CRACD: variants seen among roughly 807,000 people sequenced by gnomAD.
CRACD encodes the protein capping protein inhibiting regulator of actin dynamics.
In CRACD, 56 loss-of-function variants were observed where a neutral mutation model predicts 106.8. The ratio of observed to expected loss-of-function variants is 0.52; its 90% CI spans 0.42 to 0.66. The LOEUF (loss-of-function observed/expected upper bound fraction) is 0.66, where lower values mean the gene tolerates loss of function less well. Among genes scored for constraint, CRACD ranks in the 30% least tolerant of loss-of-function variants. The probability of loss-of-function intolerance (pLI) is 0.00; values close to 1 mark genes in which losing one functional copy is unlikely to be tolerated. For synonymous variants in CRACD, 754 were observed against 670.8 expected (o/e 1.12, Z -1.92); for missense variants, 1,730 against 1,623.2 (o/e 1.07, Z -1.13).
rs542515983 is a variant in CRACD, at chr4:56,177,303, A to G, written c.-335-1981A>G. Among the ~76,000 whole-genome samples the G allele has an allele frequency of 8.5e-4, 129 of 152,292 alleles. 1 individual carries two copies. The highest frequency in any genetic ancestry group is 9.6e-4 in the Non-Finnish European group (65 of 68,012). ...TGTTGAATTTCATTGAATGCTTTTTAGGAGGCATCTATTGAAATCATCATA... is the reference window on the plus strand; with the variant it reads ...TGTTGAATTTCATTGAATGCTTTTTGGGAGGCATCTATTGAAATCATCATA... On this transcript the variant is annotated intron_variant, in intron 1 of 10. Coordinates refer to ENST00000682029, the MANE Select transcript of CRACD (RefSeq NM_001393381.1).
chr4:56,179,947 G>A (rs1314849939), intron 2 of CRACD, among the ~76,000 whole-genome samples: 1 of 151,866 alleles, frequency 6.6e-6, no homozygotes, highest in African/African-American at 2.4e-5. Context: ...AACTCAGGAG[G>A]CAGAAGTTGC....
At chr4:56,241,884 G>A (rs1232746555) in intron 2 of CRACD, among the ~76,000 whole-genome samples, 1 of 152,180 alleles carries the variant, frequency 6.6e-6, no homozygotes, top group African/African-American at 2.4e-5. Context: ...ATGGCCTCAC[G>A]TGAGCAAAAC....
chr4:56,116,183 T>C (rs1050347818), intron 1 of CRACD, among the ~76,000 whole-genome samples: 2 of 150,888 alleles, frequency 1.3e-5, no homozygotes, highest in African/African-American at 5.0e-5. Flanking sequence ...AATCCAGGTT[T>C]GTGAGTGACA....
At chr4:56,198,152 C>G (rs1737709902) in intron 2 of CRACD, among the ~76,000 whole-genome samples, 1 of 152,170 alleles carries the variant, frequency 6.6e-6, no homozygotes, top group Non-Finnish European at 1.5e-5. Flanking sequence ...AGGAGTTGAT[C>G]TCTTATTTAA....
intron 2 of CRACD, among the ~76,000 whole-genome samples, chr4:56,247,970 G>T (rs1740790234): frequency 6.6e-6 from 1 of 152,186 alleles, no homozygotes; most frequent in African/African-American, 2.4e-5. Context: ...ACATGGGAGA[G>T]TGAATTCTAC....
intron 1 of CRACD, among the ~76,000 whole-genome samples, chr4:56,051,739 CTT>C (rs1207795971): frequency 6.6e-6 from 1 of 152,150 alleles, no homozygotes; most frequent in Non-Finnish European, 1.5e-5. Context: ...TTTTGGATAA[CTT>C]TTACATAAAG....
intron 1 of CRACD, among the ~76,000 whole-genome samples, chr4:56,081,225 A>G (rs1338107573): frequency 1.3e-5 from 2 of 152,164 alleles, no homozygotes; most frequent in African/African-American, 4.8e-5. Flanking sequence ...CCTAGGACCC[A>G]CCTGGATGTT....
At chr4:56,049,983 G>A (rs1459515703) in intron 1 of CRACD, 3 of 151,610 alleles carry the variant, frequency 2.0e-5, no homozygotes, top group African/African-American at 7.3e-5. Context: ...CTGTAGTGGC[G>A]AGATTGGACC....
In CRACD at chr4:56,247,545, C is replaced by T. The variant is rs369157380; in HGVS notation, c.-188-24776C>T. On this transcript the variant is annotated intron_variant, in intron 2 of 10. Transcript: ENST00000682029. ...ATTAATAAATAGGAGAGAAAACTCACCTAGAGAATCCTGTTGTGAGCTGGG... is the reference window on the plus strand; with the variant it reads ...ATTAATAAATAGGAGAGAAAACTCATCTAGAGAATCCTGTTGTGAGCTGGG... Among the ~76,000 whole-genome samples, 9 of 152,230 alleles carry T rather than the reference C, an allele frequency of 5.9e-5. 1 individual carries two copies. In the South Asian group the frequency reaches 1.7e-3, roughly 28 times the overall value.
chr4:56,319,854 A>G (rs1577914105), intron 8 of CRACD, among the ~76,000 whole-genome samples: 1 of 138,234 alleles, frequency 7.2e-6, no homozygotes, highest in African/African-American at 2.5e-5. Context: ...TAAAACAGCA[A>G]TGATAATCCC....
intron 1 of CRACD, among the ~76,000 whole-genome samples, chr4:56,059,887 T>C (rs1202354347): frequency 1.3e-5 from 2 of 152,198 alleles, no homozygotes; most frequent in Non-Finnish European, 2.9e-5. Context: ...TTTTGCCATG[T>C]TGGCCAGGCT....
intron 1 of CRACD, among the ~76,000 whole-genome samples, chr4:56,140,844 G>A (rs943689823): frequency 6.6e-6 from 1 of 152,138 alleles, no homozygotes; most frequent in African/African-American, 2.4e-5. Context: ...CTTCCATAAT[G>A]CAGTCCCAGC....
Position 56,330,438 on chromosome 4 carries a change from A to G in CRACD, c.*2634A>G, listed in dbSNP as rs1259574421. 1.3e-5 allele frequency among the ~76,000 whole-genome samples: 2 copies of G among 152,218 alleles called. No homozygotes were observed. The highest frequency in any genetic ancestry group is 2.9e-5 in the Non-Finnish European group (2 of 68,048). On this transcript the variant is annotated 3_prime_UTR_variant, in exon 11 of 11. Coordinates refer to ENST00000682029, the MANE Select transcript of CRACD (RefSeq NM_001393381.1). ...GTTTAATTGCTTATTTTAAAGCAGA[A>G]ACATTAGTTACAAGTGTCTTACAAT...
chr4:56,055,563 A>T (rs1189344007), intron 1 of CRACD, among the ~76,000 whole-genome samples: 1 of 152,176 alleles, frequency 6.6e-6, no homozygotes, highest in Non-Finnish European at 1.5e-5. Flanking sequence ...ACTGCTGGTG[A>T]ATTCCAGGCT....
chr4:56,056,927 A>C (rs1369081060), intron 1 of CRACD, among the ~76,000 whole-genome samples: 1 of 152,162 alleles, frequency 6.6e-6, no homozygotes, highest in African/African-American at 2.4e-5. Flanking sequence ...CTTTTAAAAA[A>C]CCAACATACT....
chr4:56,301,169 G>C (rs1209437555), intron 4 of CRACD: 18 of 1,109,364 alleles, frequency 1.6e-5, no homozygotes, highest in Non-Finnish European at 2.1e-5. Context: ...TTTTTTTTTT[G>C]GCGTGACTTG....
chr4:56,308,152 G>A (rs1481967066), intron 5 of CRACD, among the ~76,000 whole-genome samples: 1 of 152,150 alleles, frequency 6.6e-6, no homozygotes, highest in Non-Finnish European at 1.5e-5. Flanking sequence ...CTGAGCCACT[G>A]CCTGCTTTGC....
chr4:56,057,243 C>CCTA (rs753147008), intron 1 of CRACD, among the ~76,000 whole-genome samples: 1 of 152,176 alleles, frequency 6.6e-6, no homozygotes, highest in Non-Finnish European at 1.5e-5. Flanking sequence ...CTTTCCATTG[C>CCTA]CTGTAGTCTC....
intron 1 of CRACD, among the ~76,000 whole-genome samples, chr4:56,051,910 G>A (rs1279872629): frequency 6.6e-6 from 1 of 152,054 alleles, no homozygotes; most frequent in African/African-American, 2.4e-5. Flanking sequence ...TGTAAAATGG[G>A]GGAAGTAATC....
Sources: allele counts gnomAD v4.1 joint callset (sites outside exome capture counted in the v4.1 genomes callset), GRCh38; gene constraint gnomAD v4.1.1; transcripts MANE v1.5; gene names NCBI Gene and HGNC (gene_info 2026-07-23, HGNC 2026-07-21).